Variants in CNTFR observed in about 807,000 individuals in gnomAD.
CNTFR encodes the protein ciliary neurotrophic factor receptor, also known as ciliary neurotrophic factor receptor subunit alpha.
Under a neutral mutation model 40.4 loss-of-function variants are expected in CNTFR, and 12 were observed. That is an observed-to-expected ratio of 0.30 (90% CI 0.19 to 0.48). The LOEUF is 0.48. Ranked by LOEUF, CNTFR falls within the 20% of genes least tolerant of loss-of-function variation. The pLI is 0.99. For missense variants in CNTFR, 414 were observed against 506.8 expected, an observed-to-expected ratio of 0.82 and a Z score of 1.76; for synonymous variants, 202 against 209.6, an observed-to-expected ratio of 0.96 and a Z score of 0.31.
At chr9:34,581,519 A>G (rs1180302431) in intron 1 of CNTFR, among the ~76,000 whole-genome samples, 2 of 152,186 alleles carry the variant, frequency 1.3e-5, no homozygotes, top group Non-Finnish European at 2.9e-5. Context: ...CCTCCATATC[A>G]CATGCATCCT....
At chr9:34,588,736 G>T (rs1483317766) in intron 1 of CNTFR, among the ~76,000 whole-genome samples, 4 of 152,188 alleles carry the variant, frequency 2.6e-5, no homozygotes, top group South Asian at 2.1e-4. Context: ...GCGAGCTAAC[G>T]CTGGAGGAGA....
chr9:34,590,470 C>A (rs1290442294), upstream of CNTFR, among the ~76,000 whole-genome samples: 2 of 152,240 alleles, frequency 1.3e-5, no homozygotes, highest in South Asian at 2.1e-4. Context: ...TACTGCCCCC[C>A]GCAACGACTC....
rs534895929 is a variant in CNTFR, at chr9:34,555,622, G to A, written c.768+633C>T. Among the ~76,000 whole-genome samples the A allele has an allele frequency of 1.9e-3, 283 of 152,076 alleles. 1 individual carries two copies. Among genetic ancestry groups the A allele is most frequent in the Non-Finnish European group, 3.0e-3 (201 of 67,968 alleles). ...TTGGTTCCCAGCCAGGCTACCTTCCGACTCACAGCCTCAAGCTGACCCCTA... is the reference window on the plus strand; with the variant it reads ...TTGGTTCCCAGCCAGGCTACCTTCCAACTCACAGCCTCAAGCTGACCCCTA... On this transcript the variant is annotated intron_variant, in intron 7 of 9. Transcript: ENST00000378980.
At chr9:34,566,167 C>T (rs1343514275) in intron 3 of CNTFR, among the ~76,000 whole-genome samples, 2 of 152,044 alleles carry the variant, frequency 1.3e-5, no homozygotes, top group Admixed American at 6.5e-5. Context: ...ATTGCAGCCC[C>T]CTCCTCAGCC....
chr9:34,586,157 G>T (rs1038453182), intron 1 of CNTFR, among the ~76,000 whole-genome samples: 2 of 152,214 alleles, frequency 1.3e-5, no homozygotes, highest in South Asian at 4.1e-4. Flanking sequence ...AAAGTCCAGG[G>T]CAGGGTCTCC....
rs1423513621 is a variant in CNTFR at position 34,557,243 on chromosome 9, G to A, written c.604+283C>T. On this transcript the variant is annotated intron_variant, in intron 6 of 9. Coordinates refer to ENST00000378980, the MANE Select transcript of CNTFR (RefSeq NM_147164.3). This position sits in a 1 kb window ranked among gnomAD's most constrained non-coding sequence, Gnocchi z 4.2. The stretch of plus-strand genomic sequence containing the variant: ...GCTGCACAAGGGTCTGGCCCAGCCT[G>A]CCCCCCCTTCCCCCTGCTGCATGTT... 3.3e-5 allele frequency among the ~76,000 whole-genome samples: 5 copies of A among 152,110 alleles called. No individual in the cohort carries two copies. The highest frequency in any genetic ancestry group is 6.5e-5 in the Admixed American group (1 of 15,276).
intron 1 of CNTFR, among the ~76,000 whole-genome samples, chr9:34,584,320 G>A (rs547050998): frequency 1.2e-4 from 19 of 152,250 alleles, no homozygotes; most frequent in Admixed American, 1.2e-3. Context: ...ATAAAACAAA[G>A]GCTCTCTTTC....
At chr9:34,553,931 G>T (rs752489100) in intron 7 of CNTFR, among the ~76,000 whole-genome samples, 15 of 152,258 alleles carry the variant, frequency 9.9e-5, no homozygotes, top group Admixed American at 3.3e-4. Context: ...CGAGAAAACT[G>T]GGGTCTGGGC....
At chr9:34,586,814 C>T (rs1180100788) in intron 1 of CNTFR, among the ~76,000 whole-genome samples, 1 of 152,196 alleles carries the variant, frequency 6.6e-6, no homozygotes, top group East Asian at 1.9e-4. Flanking sequence ...TTGTGAGGGA[C>T]GTGACCAAAT....
In CNTFR at chr9:34,564,684, G is replaced by A; in HGVS notation, c.234C>T (p.Gly78=). The change falls in exon 4 of 10, where the codon GGC becomes GGT. Residue 78 remains glycine, a synonymous_variant. Coordinates refer to ENST00000378980, the MANE Select transcript of CNTFR (RefSeq NM_147164.3). ...AGAGGCCACTGTGGCCCAGTTCCAG[G>A]CCATGGAGCACCAGCTGAGAGCCGT... ...LLNGSQLVLH[G]LELGHSGLYA... is the part of the protein sequence containing the mutation. The A allele has an allele frequency of 6.2e-7, 1 of 1,614,040 alleles. No individual in the cohort carries two copies. The highest frequency in any genetic ancestry group is 8.5e-7 in the Non-Finnish European group (1 of 1,179,962).
At chr9:34,554,830 A>G (rs1055390695) in intron 7 of CNTFR, among the ~76,000 whole-genome samples, 1 of 152,256 alleles carries the variant, frequency 6.6e-6, no homozygotes, top group African/African-American at 2.4e-5. Context: ...TGTTCACAGC[A>G]AAACTTCAGC....
In CNTFR at chr9:34,557,828, G is replaced by A. The variant is rs767505611; in HGVS notation, c.437+39C>T. ...GTGGTGGGATGGGGGAGAGGTCAGA[G>A]GTCAGGGCTGGACCCGGGTCACAGG... is the stretch of plus-strand genomic sequence containing the variant. On this transcript the variant is annotated intron_variant, in intron 5 of 9. Transcript: ENST00000378980. The surrounding 1 kb of genome is among the most constrained non-coding windows in gnomAD (Gnocchi z 4.2). 1 of 1,547,704 alleles carries A rather than the reference G, an allele frequency of 6.5e-7. No homozygotes were observed. The highest frequency in any genetic ancestry group is 8.8e-7 in the Non-Finnish European group (1 of 1,135,278).
In CNTFR at chr9:34,552,357, AAGGCC is replaced by A; in HGVS notation, c.950-33_950-29del. ...GGGGAACATGGGGGAAACTCAGGGC[AAGGCC>A]AGGGCTGGGTCCCATCCAGATCTGG... is the stretch of plus-strand genomic sequence containing the variant. On this transcript the variant is annotated intron_variant, in intron 8 of 9. Transcript: ENST00000378980. The surrounding 1 kb of genome is among the most constrained non-coding windows in gnomAD (Gnocchi z 5.1). 1 of 1,528,412 alleles carries A rather than the reference AAGGCC, an allele frequency of 6.5e-7. No homozygotes were observed. Among genetic ancestry groups the A allele is most frequent in the Non-Finnish European group, 8.8e-7 (1 of 1,142,370 alleles). 94.7% of individuals were successfully genotyped at this position (1,528,412 alleles called of 1,614,324 possible).
At chr9:34,581,890 T>C (rs2132254143) in intron 1 of CNTFR, among the ~76,000 whole-genome samples, 2 of 152,326 alleles carry the variant, frequency 1.3e-5, no homozygotes, top group Middle Eastern at 6.8e-3. Context: ...TTCCCAAGAA[T>C]AATAACAGCA....
chr9:34,580,415 C>T (rs1296656551), intron 2 of CNTFR, among the ~76,000 whole-genome samples: 1 of 152,136 alleles, frequency 6.6e-6, no homozygotes, highest in Non-Finnish European at 1.5e-5. Context: ...GCCTGGGGTA[C>T]CCCACTCCAC....
chr9:34,573,628 G>A (rs547934633), intron 2 of CNTFR, among the ~76,000 whole-genome samples: 1 of 152,306 alleles, frequency 6.6e-6, no homozygotes, highest in African/African-American at 2.4e-5. Flanking sequence ...ACAGAGCGGA[G>A]GGGACTCCCC....
Position 34,552,584 on chromosome 9 carries a change from C to T in CNTFR, c.949+90G>A. On this transcript the variant is annotated intron_variant, in intron 8 of 9. Transcript: ENST00000378980. The surrounding 1 kb of genome is among the most constrained non-coding windows in gnomAD (Gnocchi z 5.1). ...GTGTGGCTACCCCCGGGAGCAGAGGCTGGAGGCAGCAGGGTAGAACCAGGC... is the reference window on the plus strand; with the variant it reads ...GTGTGGCTACCCCCGGGAGCAGAGGTTGGAGGCAGCAGGGTAGAACCAGGC... The T allele has an allele frequency of 1.5e-6, 2 of 1,372,268 alleles. No homozygotes were observed. 85.0% of individuals were successfully genotyped at this position (1,372,268 alleles called of 1,614,324 possible).
Position 34,557,872 on chromosome 9 carries a change from A to G in CNTFR, c.432T>C (p.Thr144=). The change falls in exon 5 of 10, where the codon ACT becomes ACC. Residue 144 remains threonine (T), a synonymous_variant. Transcript: ENST00000378980. The surrounding 1 kb of genome is among the most constrained non-coding windows in gnomAD (Gnocchi z 4.2). Reference sequence around the variant, plus strand: ...TCACAGGCGCAGCTACTCACAGCACAGTCACATTGAAGGTGTTGGGAATGT... The same window carrying G: ...TCACAGGCGCAGCTACTCACAGCACGGTCACATTGAAGGTGTTGGGAATGT... ...PTYIPNTFNV[T]VLHGSKIMVC... is the part of the protein sequence containing the mutation. The G allele has an allele frequency of 1.3e-6, 2 of 1,563,846 alleles. No individual in the cohort carries two copies. The highest frequency in any genetic ancestry group is 4.5e-5 in the East Asian group (2 of 44,430).
chr9:34,583,251 C>T (rs1393921315), intron 1 of CNTFR, among the ~76,000 whole-genome samples: 1 of 152,214 alleles, frequency 6.6e-6, no homozygotes, highest in Admixed American at 6.5e-5. Context: ...TGGATTAATG[C>T]CCTTTGCTTC....
Sources: gnomAD v4.1 joint callset for allele counts (sites outside exome capture counted in the v4.1 genomes callset) on GRCh38, gnomAD v4.1.1 for gene constraint, Gnocchi (gnomAD v3.1) non-coding constraint, MANE v1.5 for transcripts, NCBI Gene and HGNC (gene_info 2026-07-23, HGNC 2026-07-21) for gene names.